The following ALK variants were observed in gnomAD, a reference collection of about 807,000 sequenced individuals.
The protein encoded by ALK is ALK tyrosine kinase receptor.
In ALK, 74 loss-of-function variants were observed where a neutral mutation model predicts 163.1. The observed-to-expected ratio is 0.45, with a 90% CI of 0.38 to 0.55. The LOEUF (loss-of-function observed/expected upper bound fraction) is 0.55, where lower values mean the gene tolerates loss of function less well. ALK is among the 20% of genes least tolerant of loss of function. The pLI is 0.00. For missense variants in ALK, 2,063 were observed against 2,105.3 expected, an observed-to-expected ratio of 0.98 and a Z score of 0.39; for synonymous variants, 960 against 843.2, an observed-to-expected ratio of 1.14 and a Z score of -2.40.
At chr2:29,887,661 T>G (rs2148422296) in intron 1 of ALK, among the ~76,000 whole-genome samples, 1 of 152,272 alleles carries the variant, frequency 6.6e-6, no homozygotes, top group South Asian at 2.1e-4. Flanking sequence ...GGGCCTTGGA[T>G]TCTACATTTT....
At chr2:29,305,891 T>C (rs568812115) in intron 8 of ALK, among the ~76,000 whole-genome samples, 1 of 152,328 alleles carries the variant, frequency 6.6e-6, no homozygotes, top group African/African-American at 2.4e-5. Context: ...CTCACCATAA[T>C]GTCAGATCAG....
At chr2:29,308,983 T>A (rs1182132164) in intron 8 of ALK, among the ~76,000 whole-genome samples, 1 of 152,132 alleles carries the variant, frequency 6.6e-6, no homozygotes, top group Non-Finnish European at 1.5e-5. Context: ...AAAGATGGTA[T>A]TTTCTTCAGT....
intron 23 of ALK, among the ~76,000 whole-genome samples, chr2:29,215,961 C>G (rs557367019): frequency 6.6e-6 from 1 of 152,142 alleles, no homozygotes; most frequent in Admixed American, 6.5e-5. Context: ...CATCAGGGGA[C>G]CCGAGGTATT....
At chr2:29,883,228 G>A (rs984532207) in intron 1 of ALK, among the ~76,000 whole-genome samples, 1 of 152,192 alleles carries the variant, frequency 6.6e-6, no homozygotes, top group Non-Finnish European at 1.5e-5. Context: ...TGTTAGGCAG[G>A]TCAAAACAAT....
Position 29,227,708 on chromosome 2 carries a change from G to A in ALK, c.2816-36C>T, listed in dbSNP as rs1259874510. Reference sequence around the variant, plus strand: ...AACCAGAGCAGAGTTTAACATGGGGGGTGGGTGCCAAAATCTTAACACACA... The same window carrying A: ...AACCAGAGCAGAGTTTAACATGGGGAGTGGGTGCCAAAATCTTAACACACA... On this transcript the variant is annotated intron_variant, in intron 16 of 28. Transcript: ENST00000389048. The surrounding 1 kb of genome is among the most constrained non-coding windows in gnomAD (Gnocchi z 4.4). 6.4e-7 allele frequency: 1 copy of A among 1,558,882 alleles called. No individual in the cohort carries two copies. Among genetic ancestry groups the A allele is most frequent in the Non-Finnish European group, 8.8e-7 (1 of 1,130,706 alleles).
At chr2:29,772,026 G>A (rs1368602309) in intron 1 of ALK, among the ~76,000 whole-genome samples, 1 of 152,222 alleles carries the variant, frequency 6.6e-6, no homozygotes, top group Non-Finnish European at 1.5e-5. Flanking sequence ...CCACAGGGCA[G>A]CCAGATAAAG....
intron 15 of ALK, 96 bp from the exon 16 acceptor site, chr2:29,229,162 G>T (rs1573134996): frequency 9.1e-7 from 1 of 1,099,788 alleles, no homozygotes; most frequent in African/African-American, 1.6e-5. Flanking sequence ...CTTGGAGGGC[G>T]CCCGCACCAG....
At position 29,327,225 on chromosome 2, in the gene ALK, G is replaced by T. The variant is rs189709570; in HGVS notation, c.1414+1125C>A. ...ACTGCCAGTGGGGCCTCGGCAATTT[G>T]TTTTCCCCTATGGAGTCCAAGTTTC... On this transcript the variant is annotated intron_variant, in intron 6 of 28. Transcript: ENST00000389048. Among the ~76,000 whole-genome samples, 648 of 152,262 alleles carry T rather than the reference G, an allele frequency of 4.3e-3. 4 individuals are homozygous for T. Among genetic ancestry groups the T allele is most frequent in the African/African-American group, 0.015 (615 of 41,548 alleles).
intron 14 of ALK, among the ~76,000 whole-genome samples, chr2:29,233,163 G>A (rs1314309127): frequency 6.6e-6 from 1 of 152,140 alleles, no homozygotes; most frequent in East Asian, 1.9e-4. Flanking sequence ...TGGTTTTAGA[G>A]ACAGGGTCTT....
chr2:29,777,087 G>A (rs1326271801), intron 1 of ALK, among the ~76,000 whole-genome samples: 2 of 152,264 alleles, frequency 1.3e-5, no homozygotes, highest in Non-Finnish European at 2.9e-5. Flanking sequence ...GCAAGGGCAG[G>A]GCCTGGCACC....
At chr2:29,864,912 C>T (rs948167077) in intron 1 of ALK, among the ~76,000 whole-genome samples, 1 of 152,180 alleles carries the variant, frequency 6.6e-6, no homozygotes, top group Admixed American at 6.5e-5. Context: ...TGATGACAAA[C>T]GCCTCCCACC....
At chr2:29,203,485 C>CTTTTTTTTTTTTTT (rs1156462365) in intron 26 of ALK, among the ~76,000 whole-genome samples, 534 of 32,548 alleles carry the variant, frequency 0.016, 233 homozygotes, top group South Asian at 0.019. Context: ...GAGGATGTGC[C>CTTTTTTTTTTTTTT]TTTTTTTTTT....
chr2:29,219,213 T>G (rs925777911), intron 23 of ALK, among the ~76,000 whole-genome samples: 1 of 152,176 alleles, frequency 6.6e-6, no homozygotes, highest in African/African-American at 2.4e-5. Context: ...CAGACAGGTG[T>G]AGTCTTTATC....
chr2:29,680,437 C>T (rs1280379568), intron 3 of ALK, among the ~76,000 whole-genome samples: 1 of 151,994 alleles, frequency 6.6e-6, no homozygotes, highest in Non-Finnish European at 1.5e-5. Context: ...TTTAAAATTT[C>T]TTCTGCCTTC....
intron 4 of ALK, among the ~76,000 whole-genome samples, chr2:29,454,631 A>G (rs1285221644): frequency 6.6e-6 from 1 of 152,128 alleles, no homozygotes; most frequent in Admixed American, 6.5e-5. Context: ...GCATTGATGA[A>G]TATTATTTTA....
intron 4 of ALK, among the ~76,000 whole-genome samples, chr2:29,419,344 G>A (rs892475490): frequency 6.6e-6 from 1 of 151,444 alleles, no homozygotes. Flanking sequence ...ATGAGCCACC[G>A]CAACTGGCCA....
chr2:29,475,084 T>C (rs1671475770), intron 4 of ALK, among the ~76,000 whole-genome samples: 1 of 152,128 alleles, frequency 6.6e-6, no homozygotes, highest in Non-Finnish European at 1.5e-5. Context: ...TCATCTTCCC[T>C]ATGAGTCTCT....
At position 29,785,591 on chromosome 2, in the gene ALK, A is replaced by C. The variant is rs143544246; in HGVS notation, c.668-67894T>G. On this transcript the variant is annotated intron_variant, in intron 1 of 28. Transcript: ENST00000389048. ...ATTAACAGAGGTGAGTTACATGGGC[A>C]TAAGTCCATGTGACTTGCAAAAATG... Among the ~76,000 whole-genome samples, 17 of 152,348 alleles carry C rather than the reference A, an allele frequency of 1.1e-4. No individual in the cohort carries two copies. The East Asian group carries it at 3.3e-3, about 29-fold the overall frequency.
At chr2:29,251,736 A>T (rs1370110918) in intron 11 of ALK, among the ~76,000 whole-genome samples, 1 of 152,212 alleles carries the variant, frequency 6.6e-6, no homozygotes, top group Non-Finnish European at 1.5e-5. Flanking sequence ...GCTATAGTTG[A>T]CTGCAACTAA....
Sources: gnomAD v4.1 joint callset for allele counts (sites outside exome capture counted in the v4.1 genomes callset) on GRCh38, gnomAD v4.1.1 for gene constraint, Gnocchi (gnomAD v3.1) non-coding constraint, MANE v1.5 for transcripts, NCBI Gene and HGNC (gene_info 2026-07-23, HGNC 2026-07-21) for gene names.